MED12L: variants seen among roughly 807,000 people sequenced by gnomAD.
MED12L encodes mediator of RNA polymerase II transcription subunit 12-like protein.
MED12L carries 60 observed loss-of-function variants against 281.3 expected under a neutral mutation model. The ratio of observed to expected loss-of-function variants is 0.21; its 90% CI spans 0.17 to 0.26. The LOEUF is 0.26. Among genes scored for constraint, MED12L ranks in the 10% least tolerant of loss-of-function variants. The probability of loss-of-function intolerance (pLI) is 1.00; values close to 1 mark genes in which losing one functional copy is unlikely to be tolerated. For synonymous variants in MED12L, 974 were observed against 987.2 expected, an observed-to-expected ratio of 0.99 and a Z score of 0.25; for missense variants, 2,146 against 2,680.9, an observed-to-expected ratio of 0.80 and a Z score of 4.41.
At chr3:151,299,734 AC>A (rs1325027489) in intron 16 of MED12L, among the ~76,000 whole-genome samples, 1 of 151,916 alleles carries the variant, frequency 6.6e-6, no homozygotes, top group Non-Finnish European at 1.5e-5. Context: ...AACCTCATGA[AC>A]CTTGGTTTAG....
rs1165656803 is a variant in MED12L, at chr3:151,141,854, T to C, written c.556+13870T>C. Among the ~76,000 whole-genome samples the C allele has an allele frequency of 2.0e-5, 3 of 152,198 alleles. No individual in the cohort carries two copies. The East Asian group carries it at 5.8e-4, about 29-fold the overall frequency. On this transcript the variant is annotated intron_variant, in intron 5 of 44. Coordinates refer to ENST00000687756, the MANE Select transcript of MED12L (RefSeq NM_001393769.1). ...TTGGGTGAATGGTCTAGTCCCACATTTTCTGTTAAGAATCCATTGCTACTC... is the reference window on the plus strand; with the variant it reads ...TTGGGTGAATGGTCTAGTCCCACATCTTCTGTTAAGAATCCATTGCTACTC...
At chr3:151,222,677 A>G (rs1200787746) in intron 16 of MED12L, among the ~76,000 whole-genome samples, 2 of 152,206 alleles carry the variant, frequency 1.3e-5, no homozygotes, top group African/African-American at 2.4e-5. Context: ...TAAATTGCCC[A>G]TTCTCAAATA....
At chr3:151,148,102 A>G (rs1172807688) in intron 5 of MED12L, among the ~76,000 whole-genome samples, 2 of 152,170 alleles carry the variant, frequency 1.3e-5, no homozygotes, top group Admixed American at 6.5e-5. Context: ...GCATTTCTCT[A>G]TCGGCTAATG....
chr3:151,246,535 T>G (rs1296831292), intron 16 of MED12L, among the ~76,000 whole-genome samples: 3 of 152,142 alleles, frequency 2.0e-5, no homozygotes, highest in Admixed American at 6.5e-5. Flanking sequence ...ATTCCCTATT[T>G]AATAAATGGT....
chr3:151,155,054 A>G (rs1719086575), intron 5 of MED12L, among the ~76,000 whole-genome samples: 2 of 152,230 alleles, frequency 1.3e-5, no homozygotes, highest in Non-Finnish European at 2.9e-5. Context: ...GGGTTCTGTT[A>G]AATAATTTTA....
chr3:151,319,495 G>A (rs1748735381), intron 16 of MED12L, among the ~76,000 whole-genome samples: 1 of 145,144 alleles, frequency 6.9e-6, no homozygotes, highest in Non-Finnish European at 1.5e-5. Context: ...GTGTGTGTGT[G>A]TGTGTGTGTG....
intron 5 of MED12L, among the ~76,000 whole-genome samples, chr3:151,146,947 T>C (rs529167952): frequency 9.2e-5 from 14 of 152,220 alleles, no homozygotes; most frequent in Admixed American, 4.6e-4. Context: ...CAGTTTTCAT[T>C]TGGGCTATTT....
chr3:151,251,672 GT>G (rs1432653839), intron 16 of MED12L, among the ~76,000 whole-genome samples: 2 of 152,162 alleles, frequency 1.3e-5, no homozygotes, highest in Non-Finnish European at 2.9e-5. Context: ...ACACTCAATT[GT>G]TTGAACTCTC....
intron 2 of MED12L, among the ~76,000 whole-genome samples, chr3:151,090,615 T>C (rs1174317259): frequency 1.3e-5 from 2 of 152,290 alleles, no homozygotes; most frequent in East Asian, 3.9e-4. Context: ...GACTGAGGGC[T>C]GTTGGGGAAA....
chr3:151,307,729 T>C (rs1204964423), intron 16 of MED12L, among the ~76,000 whole-genome samples: 1 of 152,148 alleles, frequency 6.6e-6, no homozygotes, highest in Non-Finnish European at 1.5e-5. Context: ...TTCAACAACC[T>C]GCCCAATACC....
intron 5 of MED12L, among the ~76,000 whole-genome samples, chr3:151,150,700 C>T (rs952856868): frequency 1.3e-5 from 2 of 152,222 alleles, no homozygotes; most frequent in Admixed American, 6.5e-5. Context: ...CTGTAGTCAC[C>T]TTCATCAATG....
chr3:151,355,951 A>G lies in MED12L; in HGVS notation c.2573A>G (p.His858Arg). ...AGCTTTGCGTCAGGAACATCCTATC[A>G]TCTCCCTTTGGCTCACCACATTCAG... is the stretch of plus-strand genomic sequence containing the variant. ...ITSFASGTSYHLPLAHHIQLI... is the reference protein window; with the variant it reads ...ITSFASGTSYRLPLAHHIQLI... The change falls in exon 19 of 45, where the codon CAT becomes CGT. Residue 858 changes from histidine to arginine, a missense_variant. This residue lies in a region of MED12L where 404 missense variants were observed against 603.5 expected (regional missense o/e 0.67). Transcript: ENST00000687756. The G allele has an allele frequency of 1.2e-6, 2 of 1,614,066 alleles. No homozygotes were observed. Among genetic ancestry groups the G allele is most frequent in the East Asian group, 2.2e-5 (1 of 44,870 alleles).
At chr3:151,158,579 TAAC>T (rs1340438167) in intron 6 of MED12L, 107 bp from the exon 7 acceptor site, 9 of 649,792 alleles carry the variant, frequency 1.4e-5, no homozygotes, top group Non-Finnish European at 2.1e-5. Context: ...AGACTATGTT[TAAC>T]AACAACAAAA....
intron 37 of MED12L, among the ~76,000 whole-genome samples, chr3:151,389,516 G>A (rs1380857350): frequency 1.3e-5 from 2 of 152,134 alleles, no homozygotes; most frequent in African/African-American, 2.4e-5. Context: ...TCTTTAGAAC[G>A]ATGTCTGGAA....
At chr3:151,158,902 T>C in intron 7 of MED12L, 103 bp downstream of exon 7, 1 of 758,590 alleles carries the variant, frequency 1.3e-6, no homozygotes, top group Non-Finnish European at 2.3e-6. Context: ...AATATCCTGT[T>C]GAAATGGAAG....
chr3:151,198,470 G>T (rs753611394), intron 16 of MED12L: 2 of 1,611,314 alleles, frequency 1.2e-6, no homozygotes, highest in African/African-American at 1.3e-5. Context: ...CTGAGCCTTG[G>T]TCTCTTTAGG....
At chr3:151,253,735 G>A (rs953527520) in intron 16 of MED12L, among the ~76,000 whole-genome samples, 3 of 152,084 alleles carry the variant, frequency 2.0e-5, no homozygotes, top group African/African-American at 7.2e-5. Context: ...GGAATGGGGT[G>A]GGGCAGGTGA....
At chr3:151,257,856 T>C (rs1167771743) in intron 16 of MED12L, among the ~76,000 whole-genome samples, 1 of 152,222 alleles carries the variant, frequency 6.6e-6, no homozygotes, top group Non-Finnish European at 1.5e-5. Flanking sequence ...CAAATTTTTA[T>C]ATTCCAAGTT....
chr3:151,141,167 T>C (rs1322001705), intron 5 of MED12L, among the ~76,000 whole-genome samples: 1 of 117,798 alleles, frequency 8.5e-6, no homozygotes, highest in Non-Finnish European at 1.7e-5. Context: ...GTGCCTGGCG[T>C]TTTTTTTTTT....
Sources: gnomAD v4.1 joint callset for allele counts (sites outside exome capture counted in the v4.1 genomes callset) on GRCh38, gnomAD v4.1.1 for gene constraint, gnomAD v4.1.1 regional missense constraint, MANE v1.5 for transcripts, NCBI Gene and HGNC (gene_info 2026-07-23, HGNC 2026-07-21) for gene names.